DNAH6: variants seen among roughly 807,000 people sequenced by gnomAD.
The protein encoded by DNAH6 is axonemal beta dynein heavy chain 6.
In DNAH6, 340 loss-of-function variants were observed where a neutral mutation model predicts 491.4. The ratio of observed to expected loss-of-function variants is 0.69; its 90% CI spans 0.63 to 0.76. The LOEUF (loss-of-function observed/expected upper bound fraction) is 0.76. Ranked by LOEUF, DNAH6 falls within the 30% of genes least tolerant of loss-of-function variation. The pLI is 0.00. For missense variants in DNAH6, 4,443 were observed against 4,972.2 expected (o/e 0.89, Z 3.20); for synonymous variants, 1,603 against 1,686.1 (o/e 0.95, Z 1.21).
chr2:84,814,921 A>G (rs372032300), intron 75 of DNAH6, among the ~76,000 whole-genome samples: 1 of 152,224 alleles, frequency 6.6e-6, no homozygotes, highest in Non-Finnish European at 1.5e-5. Flanking sequence ...AGCCAGTGTC[A>G]TGTGACCAGC....
chr2:84,475,387 C>A, the DNAH6 span, among the ~76,000 whole-genome samples: 2 of 152,184 alleles, frequency 1.3e-5, no homozygotes, highest in African/African-American at 4.8e-5. Context: ...TCCATCTTTG[C>A]TAAATGTAGA....
At chr2:84,624,840 A>T (rs1687712587) in intron 28 of DNAH6, 62 bp from the exon 29 acceptor site, 1 of 1,444,666 alleles carries the variant, frequency 6.9e-7, no homozygotes, top group Non-Finnish European at 9.2e-7. Flanking sequence ...ATAGAGAGGA[A>T]ATGCCTTAAT....
At chr2:84,816,655 G>A (rs957521459) in intron 76 of DNAH6, among the ~76,000 whole-genome samples, 10 of 152,166 alleles carry the variant, frequency 6.6e-5, no homozygotes, top group African/African-American at 2.2e-4. Flanking sequence ...CCTGGGAGGC[G>A]GAGGTTGCAG....
chr2:84,545,338 A>G (rs1309939467), intron 5 of DNAH6, among the ~76,000 whole-genome samples: 1 of 152,194 alleles, frequency 6.6e-6, no homozygotes, highest in Non-Finnish European at 1.5e-5. Flanking sequence ...TCCATTGTGC[A>G]TTCTGAGTTG....
intron 45 of DNAH6, among the ~76,000 whole-genome samples, chr2:84,690,229 A>G (rs1694710225): frequency 6.6e-6 from 1 of 152,118 alleles, no homozygotes. Context: ...AAATCCCTAG[A>G]ATTTTTTTTC....
Position 84,773,157 on chromosome 2 carries a change from A to G in DNAH6, c.10704-8336A>G, listed in dbSNP as rs554650332. On this transcript the variant is annotated intron_variant, in intron 64 of 76. Transcript: ENST00000389394. ...GCATGTTGCTGAAGTTTGGATACAA[A>G]TGATCCTATCACTGAAGTAGTGAGC... Among the ~76,000 whole-genome samples, 3 of 152,160 alleles carry G rather than the reference A, an allele frequency of 2.0e-5. No individual in the cohort carries two copies. The South Asian group carries it at 6.2e-4, about 32-fold the overall frequency.
At chr2:84,525,759 A>G (rs1676551620) in intron 3 of DNAH6, 21 bp downstream of exon 3, 1 of 1,502,808 alleles carries the variant, frequency 6.7e-7, no homozygotes, top group African/African-American at 1.4e-5. Flanking sequence ...AAAATACTTA[A>G]TTGATTCTTT....
rs79390854 is a variant in DNAH6 at position 84,734,789 on chromosome 2, T to A, written c.10342+1210T>A. On this transcript the variant is annotated intron_variant, in intron 62 of 76. Transcript: ENST00000389394. ...TATACTTTGTGAAACTATGCCAGTA[T>A]ATAAAAATAGGTTTACAGTTAAGTT... is the stretch of plus-strand genomic sequence containing the variant. 3.4e-4 allele frequency among the ~76,000 whole-genome samples: 52 copies of A among 152,364 alleles called. No individual in the cohort carries two copies. In the East Asian group the frequency reaches 0.01, roughly 29 times the overall value.
At chr2:84,599,164 T>G (rs774192441) in intron 18 of DNAH6, among the ~76,000 whole-genome samples, 10 of 152,212 alleles carry the variant, frequency 6.6e-5, no homozygotes, top group African/African-American at 9.6e-5. Context: ...TGCCCATTTT[T>G]AATTGGGTTG....
In DNAH6 at chr2:84,777,443, A is replaced by T. The variant is rs1419284010; in HGVS notation, c.10704-4050A>T. On this transcript the variant is annotated intron_variant, in intron 64 of 76. Transcript: ENST00000389394. ...GAGACCCTTAATCATGGTGGAAATTAGGTGCAACCGCCTAAGATTCTTCAT... is the reference window on the plus strand; with the variant it reads ...GAGACCCTTAATCATGGTGGAAATTTGGTGCAACCGCCTAAGATTCTTCAT... The T allele has an allele frequency of 1.0e-5, 6 of 601,792 alleles. No individual in the cohort carries two copies. The African/African-American group carries it at 1.1e-4, about 11-fold the overall frequency. 37.3% of individuals were successfully genotyped at this position (601,792 alleles called of 1,614,324 possible). A position where few individuals can be genotyped will look rare whatever the true frequency, so the allele number is the denominator to read the frequency against.
intron 29 of DNAH6, among the ~76,000 whole-genome samples, chr2:84,630,346 A>G (rs950020420): frequency 3.3e-5 from 5 of 152,288 alleles, no homozygotes; most frequent in Non-Finnish European, 7.4e-5. Flanking sequence ...AAAAATACAT[A>G]TCTCCTGTTA....
chr2:84,670,312 C>T lies in DNAH6; in HGVS notation c.6307-16C>T, dbSNP rs1283866482. The T allele has an allele frequency of 3.4e-6, 5 of 1,477,940 alleles. No homozygotes were observed. The highest frequency in any genetic ancestry group is 4.6e-6 in the Non-Finnish European group (5 of 1,091,522). The allele number at this position is 1,477,940 out of a possible 1,614,324, so 91.6% of individuals were successfully genotyped here. A position where few individuals can be genotyped will look rare whatever the true frequency, so the allele number is the denominator to read the frequency against. ...GTTATATTCATGTGACATTAATTAA[C>T]TTATTTTAATTTAAGTCTGTGATTG... On this transcript the variant is annotated splice_polypyrimidine_tract_variant and intron_variant, in intron 38 of 76. Transcript: ENST00000389394.
At chr2:84,805,235 T>C (rs1235389853) in intron 70 of DNAH6, among the ~76,000 whole-genome samples, 2 of 152,122 alleles carry the variant, frequency 1.3e-5, no homozygotes, top group Admixed American at 6.5e-5. Context: ...CAACTCTACC[T>C]CCAAGACAGA....
At chr2:84,463,320 G>A in the DNAH6 span, among the ~76,000 whole-genome samples, 1 of 152,098 alleles carries the variant, frequency 6.6e-6, no homozygotes, top group Non-Finnish European at 1.5e-5. Flanking sequence ...GCCAGACCTG[G>A]GAGGGAGGGA....
At position 84,753,831 on chromosome 2, in the gene DNAH6, T is replaced by A. The variant is rs564752990; in HGVS notation, c.10512+8582T>A. ...TCTTTGATACATTTTGAGTTAATTT[T>A]TTTTTTTTTTTTGAGACATAGTCTC... On this transcript the variant is annotated intron_variant, in intron 63 of 76. Transcript: ENST00000389394. Among the ~76,000 whole-genome samples the A allele has an allele frequency of 2.9e-4, 44 of 150,776 alleles. No homozygotes were observed. In the East Asian group the frequency reaches 7.4e-3, roughly 25 times the overall value.
chr2:84,697,635 A>C lies in DNAH6; in HGVS notation c.7585A>C (p.Asn2529His). 1 of 1,552,020 alleles carries C rather than the reference A, an allele frequency of 6.4e-7. No homozygotes were observed. The highest frequency in any genetic ancestry group is 8.7e-7 in the Non-Finnish European group (1 of 1,147,008). ...NNILNSGEVP[N>H]LFEKDELEQV... The stretch of plus-strand genomic sequence containing the variant: ...CATCCTGAACTCAGGTGAAGTGCCT[A>C]ATTTATTTGAAAAGGATGAACTGGA... Residue 2529 changes from asparagine (N) to histidine (H), a missense_variant, in exon 47 of 77, where the codon AAT (asparagine) becomes CAT (histidine). Around this residue, in one of 3 missense-constraint regions of DNAH6, gnomAD observed 2,977 missense variants for 3,296.6 expected, o/e 0.90. Coordinates refer to ENST00000389394, the MANE Select transcript of DNAH6 (RefSeq NM_001370.2).
chr2:84,599,563 G>A (rs1436552999), intron 18 of DNAH6, among the ~76,000 whole-genome samples: 1 of 152,126 alleles, frequency 6.6e-6, no homozygotes, highest in African/African-American at 2.4e-5. Flanking sequence ...TAAAGGAACA[G>A]CATTATTTGA....
intron 1 of DNAH6, 128 bp from the exon 2 acceptor site, chr2:84,517,691 A>G: frequency 1.5e-6 from 1 of 689,316 alleles, no homozygotes; most frequent in South Asian, 2.1e-5. Context: ...GGTAACTTTG[A>G]TGGGTTTTAT....
At chr2:84,698,137 C>T (rs913480030) in intron 47 of DNAH6, among the ~76,000 whole-genome samples, 12 of 152,166 alleles carry the variant, frequency 7.9e-5, no homozygotes, top group Admixed American at 1.3e-4. Flanking sequence ...CTCACTCTCT[C>T]GGGAACAGTG....
Sources: allele counts gnomAD v4.1 joint callset (sites outside exome capture counted in the v4.1 genomes callset), GRCh38; gene constraint gnomAD v4.1.1; regional missense constraint gnomAD v4.1.1; transcripts MANE v1.5; gene names NCBI Gene and HGNC (gene_info 2026-07-23, HGNC 2026-07-21).